CCDC141: variants seen among roughly 807,000 people sequenced by gnomAD.
CCDC141 encodes the protein coiled-coil domain-containing protein 141.
CCDC141 carries 168 observed loss-of-function variants against 181.0 expected under a neutral mutation model. That is an observed-to-expected ratio of 0.93 (90% CI 0.82 to 1.05). CCDC141 has a LOEUF of 1.05. CCDC141 is among the 50% of genes least tolerant of loss of function. CCDC141 has a pLI of 0.00. For missense variants in CCDC141, 1,902 were observed against 1,788.5 expected (o/e 1.06, Z -1.14); for synonymous variants, 666 against 642.3 (o/e 1.04, Z -0.56).
At chr2:178,845,569 T>G (rs1451899624) in intron 22 of CCDC141, 57 bp downstream of exon 22, 1 of 917,764 alleles carries the variant, frequency 1.1e-6, no homozygotes, top group East Asian at 2.4e-5. Flanking sequence ...CAATGGACAA[T>G]GACTTTAACC....
downstream of CCDC141, among the ~76,000 whole-genome samples, chr2:178,826,245 AT>A (rs1442586128): frequency 1.3e-5 from 2 of 152,148 alleles, no homozygotes; most frequent in Non-Finnish European, 2.9e-5. Flanking sequence ...TGATTTGTGA[AT>A]TTTGAAAGAG....
intron 2 of CCDC141, among the ~76,000 whole-genome samples, chr2:179,015,104 A>AT (rs1246580816): frequency 0.01 from 167 of 16,036 alleles, 4 homozygotes; most frequent in African/African-American, 0.016. Flanking sequence ...ATATATATAT[A>AT]ATATATATAT....
intron 2 of CCDC141, among the ~76,000 whole-genome samples, chr2:179,031,936 A>G (rs765955380): frequency 6.6e-6 from 1 of 152,110 alleles, no homozygotes; most frequent in African/African-American, 2.4e-5. Flanking sequence ...ACTGAATTTG[A>G]GAGCTTGTGG....
chr2:178,889,591 A>T (rs1200434656), intron 8 of CCDC141, among the ~76,000 whole-genome samples: 5 of 152,210 alleles, frequency 3.3e-5, no homozygotes, highest in Non-Finnish European at 7.3e-5. Flanking sequence ...TAATTAATTT[A>T]TGACTCTGTA....
chr2:178,992,377 A>C (rs1692097929), intron 2 of CCDC141, among the ~76,000 whole-genome samples: 1 of 143,164 alleles, frequency 7.0e-6, no homozygotes, highest in East Asian at 2.0e-4. Context: ...CTATTCTTAA[A>C]GGAAAAAAAA....
chr2:178,860,519 C>T (rs1471318905), intron 17 of CCDC141, among the ~76,000 whole-genome samples: 5 of 120,480 alleles, frequency 4.2e-5, no homozygotes, highest in East Asian at 2.3e-4. Flanking sequence ...GGCAACAGAG[C>T]GAGACTCAAA....
intron 12 of CCDC141, chr2:178,875,090 T>A (rs1686300413): frequency 6.6e-6 from 1 of 152,056 alleles, no homozygotes; most frequent in South Asian, 2.1e-4. Flanking sequence ...TTGGCTTGAG[T>A]GATTGCCCAC....
chr2:178,881,913 TCTCACACACACACA>T (rs1391147872), intron 11 of CCDC141, among the ~76,000 whole-genome samples: 13 of 111,016 alleles, frequency 1.2e-4, no homozygotes, highest in African/African-American at 1.8e-4. Flanking sequence ...TCTCTCTCTC[TCTCACACACACACA>T]CACACACACA....
At chr2:178,820,167 TG>T in the CCDC141 span, among the ~76,000 whole-genome samples, 1 of 152,222 alleles carries the variant, frequency 6.6e-6, no homozygotes, top group Non-Finnish European at 1.5e-5. Context: ...GCTGCTGCTC[TG>T]CCCTCTGGCT....
intron 8 of CCDC141, among the ~76,000 whole-genome samples, chr2:178,890,099 A>G (rs2154371072): frequency 6.6e-6 from 1 of 152,328 alleles, no homozygotes; most frequent in East Asian, 1.9e-4. Context: ...AGAAAAATAA[A>G]TTGAATAAAG....
chr2:178,966,730 CA>C (rs901126940), intron 4 of CCDC141, among the ~76,000 whole-genome samples: 1 of 152,072 alleles, frequency 6.6e-6, no homozygotes, highest in African/African-American at 2.4e-5. Context: ...AGCAAGGGAA[CA>C]AAACTGGACG....
chr2:178,995,803 T>G (rs528384993), intron 2 of CCDC141, among the ~76,000 whole-genome samples: 1 of 152,208 alleles, frequency 6.6e-6, no homozygotes, highest in Non-Finnish European at 1.5e-5. Context: ...GTATATTTTC[T>G]TACCTAGCTA....
At chr2:178,880,594 A>C (rs1319664915) in intron 11 of CCDC141, among the ~76,000 whole-genome samples, 1 of 152,196 alleles carries the variant, frequency 6.6e-6, no homozygotes, top group Non-Finnish European at 1.5e-5. Flanking sequence ...AAATAGAAAA[A>C]ACAAAAGGGA....
chr2:178,923,455 C>T (rs772231441), intron 6 of CCDC141, among the ~76,000 whole-genome samples: 16 of 151,900 alleles, frequency 1.1e-4, no homozygotes, highest in Non-Finnish European at 2.2e-4. Flanking sequence ...GAATCCATCA[C>T]ACTATTTAAA....
rs1329181400 is a variant in CCDC141 at position 178,872,288 on chromosome 2, C to T, written c.1924G>A (p.Val642Met). Residue 642 changes from valine to methionine, a missense_variant, in exon 13 of 24, where the codon GTG (valine) becomes ATG (methionine). Physicochemically the swap from Val to Met is conservative, Grantham distance 21. Transcript: ENST00000443758. ...TTCATGAGGTACACTTCATTTTTCA[C>T]ATCTAATATCTCGTTCTCTTTTGCC... The part of the protein sequence containing the change: ...NMAKENEILD[V>M]KNEVYLMKNT... 1.9e-6 allele frequency: 3 copies of T among 1,612,912 alleles called. No individual in the cohort carries two copies. The African/African-American group carries it at 4.0e-5, about 22-fold the overall frequency.
chr2:178,824,018 T>G, the CCDC141 span, among the ~76,000 whole-genome samples: 68 of 151,682 alleles, frequency 4.5e-4, no homozygotes, highest in African/African-American at 1.5e-3. Context: ...CACCTGGGCA[T>G]TTTATGTATT....
Position 179,049,901 on chromosome 2 carries a change from G to A in CCDC141, c.41C>T (p.Thr14Met), listed in dbSNP as rs763465534. 31 of 1,550,620 alleles carry A rather than the reference G, an allele frequency of 2.0e-5. No individual in the cohort carries two copies. The highest frequency in any genetic ancestry group is 7.3e-5 in the East Asian group (3 of 40,932). ...CTGCACAGCAACTGAACTGACTGTC[G>A]TCGTAGAAAGCGCAACACTAGGACT... ...QGSPSVALST[T>M]TVSSVAVQAG... The change falls in exon 1 of 24, where the codon ACG (threonine) becomes ATG (methionine). Residue 14 changes from threonine to methionine, a missense_variant. Physicochemically the swap from Thr to Met is moderately conservative, Grantham distance 81 (BLOSUM62 -1). Coordinates refer to ENST00000443758, the MANE Select transcript of CCDC141 (RefSeq NM_173648.4).
chr2:178,945,845 A>ACATG (rs1446769544), intron 5 of CCDC141, among the ~76,000 whole-genome samples: 2 of 96,552 alleles, frequency 2.1e-5, no homozygotes, highest in Non-Finnish European at 3.9e-5. Context: ...TGCACATGAC[A>ACATG]CATGCGTGCA....
In CCDC141 at chr2:178,872,008, G is replaced by A. The variant is rs941651613; in HGVS notation, c.2079+125C>T. ...ACTACAGGGACCTCATTTATAAGTG[G>A]AATCACACGATATTTATCCTTTTGT... On this transcript the variant is annotated intron_variant, in intron 13 of 23. Coordinates refer to ENST00000443758, the MANE Select transcript of CCDC141 (RefSeq NM_173648.4). 8 of 933,540 alleles carry A rather than the reference G, an allele frequency of 8.6e-6. 1 individual carries two copies. The Admixed American group carries it at 1.8e-4, about 21-fold the overall frequency. 57.8% of individuals were successfully genotyped at this position (933,540 alleles called of 1,614,324 possible).
Sources: gnomAD v4.1 joint callset for allele counts (sites outside exome capture counted in the v4.1 genomes callset) on GRCh38, gnomAD v4.1.1 for gene constraint, MANE v1.5 for transcripts, NCBI Gene and HGNC (gene_info 2026-07-23, HGNC 2026-07-21) for gene names.